Variants in PRR16 observed in about 807,000 individuals in gnomAD.
The protein encoded by PRR16 is protein Largen.
A neutral mutation model predicts 18.2 loss-of-function variants in PRR16; 6 were observed. The ratio of observed to expected loss-of-function variants is 0.33; its 90% confidence interval spans 0.18 to 0.65. The LOEUF is 0.65. PRR16 is among the 30% of genes least tolerant of loss of function. PRR16 has a pLI of 0.74. For missense variants in PRR16, 412 were observed against 376.6 expected (o/e 1.09, Z -0.78); for synonymous variants, 151 against 147.8 (o/e 1.02, Z -0.16).
intron 1 of PRR16, among the ~76,000 whole-genome samples, chr5:120,654,082 C>G (rs1416837660): frequency 6.6e-6 from 1 of 151,924 alleles, no homozygotes; most frequent in African/African-American, 2.4e-5. Context: ...TAATGTAGAC[C>G]CAGCCAATAG....
the PRR16 span, among the ~76,000 whole-genome samples, chr5:120,734,795 T>C: frequency 6.6e-6 from 1 of 152,232 alleles, no homozygotes; most frequent in African/African-American, 2.4e-5. Flanking sequence ...TTACAGAGAT[T>C]TTCACTAGTT....
chr5:120,548,986 T>C (rs1460042997), intron 1 of PRR16, among the ~76,000 whole-genome samples: 1 of 113,496 alleles, frequency 8.8e-6, no homozygotes, highest in Non-Finnish European at 2.0e-5. Context: ...CACACACACA[T>C]GCACACTCAT....
intron 1 of PRR16, among the ~76,000 whole-genome samples, chr5:120,666,244 A>G: frequency 6.6e-6 from 1 of 152,182 alleles, no homozygotes; most frequent in East Asian, 1.9e-4. Context: ...TTCACTCATG[A>G]TTTGGCTCTC....
chr5:120,521,286 T>A (rs1359333281), intron 1 of PRR16, among the ~76,000 whole-genome samples: 1 of 152,168 alleles, frequency 6.6e-6, no homozygotes, highest in Non-Finnish European at 1.5e-5. Flanking sequence ...CTAAAATGTT[T>A]CATGAAATGG....
intron 1 of PRR16, among the ~76,000 whole-genome samples, chr5:120,639,376 T>C (rs1270736549): frequency 6.6e-6 from 1 of 152,116 alleles, no homozygotes; most frequent in Non-Finnish European, 1.5e-5. Context: ...TATATTCAGG[T>C]AAATCATATT....
the PRR16 span, among the ~76,000 whole-genome samples, chr5:120,729,561 T>G: frequency 6.6e-6 from 1 of 152,144 alleles, no homozygotes; most frequent in Non-Finnish European, 1.5e-5. Flanking sequence ...TTTGTTTGCT[T>G]ATTGTCTATT....
At chr5:120,471,919 A>G (rs1749279478) in intron 1 of PRR16, among the ~76,000 whole-genome samples, 1 of 152,120 alleles carries the variant, frequency 6.6e-6, no homozygotes, top group African/African-American at 2.4e-5. Flanking sequence ...TCTTGCTTAT[A>G]TGGGATAAGC....
intron 1 of PRR16, among the ~76,000 whole-genome samples, chr5:120,624,631 T>C (rs998864277): frequency 3.3e-5 from 5 of 152,108 alleles, no homozygotes; most frequent in Non-Finnish European, 5.9e-5. Context: ...AATAAATAGA[T>C]ACTAATTCAT....
At chr5:120,710,047 C>G in the PRR16 span, among the ~76,000 whole-genome samples, 1 of 152,110 alleles carries the variant, frequency 6.6e-6, no homozygotes, top group Non-Finnish European at 1.5e-5. Context: ...TGAGGCTTCT[C>G]TATACTATTT....
intron 1 of PRR16, among the ~76,000 whole-genome samples, chr5:120,533,585 T>C (rs1322174298): frequency 6.6e-6 from 1 of 152,114 alleles, no homozygotes; most frequent in Non-Finnish European, 1.5e-5. Context: ...CATGTGACTA[T>C]CTTTGGGAAA....
rs528175133 is a variant in PRR16, at chr5:120,513,473, C to G, written c.159+48828C>G. 3.3e-5 allele frequency among the ~76,000 whole-genome samples: 5 copies of G among 152,226 alleles called. No individual in the cohort carries two copies. The East Asian group carries it at 9.7e-4, about 29-fold the overall frequency. ...TCATTGTGCTGTGACCACACTGACC[C>G]TCTTCCAGTTCTTGAATACTTCATA... On this transcript the variant is annotated intron_variant, in intron 1 of 1. Transcript: ENST00000407149.
At chr5:120,734,351 A>G in the PRR16 span, among the ~76,000 whole-genome samples, 6 of 151,168 alleles carry the variant, frequency 4.0e-5, no homozygotes, top group East Asian at 7.8e-4. Flanking sequence ...GTGTGTGTGT[A>G]TGTGTGTGTG....
chr5:120,655,735 T>G (rs1264083851), intron 1 of PRR16, among the ~76,000 whole-genome samples: 1 of 97,292 alleles, frequency 1.0e-5, no homozygotes, highest in East Asian at 1.1e-3. Context: ...CTTTTTTTTT[T>G]TGTTTTTTTT....
At chr5:120,491,888 T>A (rs1750064596) in intron 1 of PRR16, among the ~76,000 whole-genome samples, 2 of 152,154 alleles carry the variant, frequency 1.3e-5, no homozygotes, top group Non-Finnish European at 2.9e-5. Context: ...TTTTTAAAAC[T>A]ATCTCCTATT....
At chr5:120,496,634 A>ATT (rs544079889) in intron 1 of PRR16, among the ~76,000 whole-genome samples, 1 of 149,998 alleles carries the variant, frequency 6.7e-6, no homozygotes, top group Non-Finnish European at 1.5e-5. Flanking sequence ...TTGTAAATTT[A>ATT]TTTTTTTTTG....
At chr5:120,635,496 A>G (rs759112559) in intron 1 of PRR16, among the ~76,000 whole-genome samples, 16 of 152,196 alleles carry the variant, frequency 1.1e-4, no homozygotes, top group Non-Finnish European at 1.8e-4. Flanking sequence ...TACACCACAT[A>G]AACAGAATTA....
chr5:120,516,484 GACACACACAC>G (rs149936115), intron 1 of PRR16, among the ~76,000 whole-genome samples: 1 of 136,456 alleles, frequency 7.3e-6, no homozygotes, highest in Non-Finnish European at 1.6e-5. Flanking sequence ...AGGAGGGAAG[GACACACACAC>G]ACACACACAC....
At chr5:120,507,410 G>A (rs1017359702) in intron 1 of PRR16, among the ~76,000 whole-genome samples, 2 of 152,068 alleles carry the variant, frequency 1.3e-5, no homozygotes, top group Non-Finnish European at 2.9e-5. Context: ...TTTATCAGCA[G>A]TGTTTCTCAG....
intron 1 of PRR16, among the ~76,000 whole-genome samples, chr5:120,592,752 C>T (rs9285892): frequency 0.88 from 134,071 of 152,128 alleles, 59,406 homozygotes; most frequent in African/African-American, 0.96. Context: ...GTTGTTAATT[C>T]ATAGGGTATG....
Sources: allele counts gnomAD v4.1 joint callset (sites outside exome capture counted in the v4.1 genomes callset), GRCh38; gene constraint gnomAD v4.1.1; transcripts MANE v1.5; gene names NCBI Gene and HGNC (gene_info 2026-07-23, HGNC 2026-07-21).